CUTA: variants seen among roughly 807,000 people sequenced by gnomAD.
CUTA encodes cutA divalent cation tolerance homolog.
A neutral mutation model predicts 20.7 loss-of-function variants in CUTA; 21 were observed. That is an observed-to-expected ratio of 1.01 (90% CI 0.72 to 1.46). The LOEUF (loss-of-function observed/expected upper bound fraction) is 1.46, where lower values mean the gene tolerates loss of function less well. Ranked by LOEUF, CUTA falls within the 40% of genes most tolerant of loss-of-function variation. CUTA has a pLI of 0.00. For missense variants in CUTA, 231 were observed against 226.8 expected (o/e 1.02, Z -0.12); for synonymous variants, 99 against 97.9 (o/e 1.01, Z -0.07).
intron 2 of CUTA, 21 bp from the exon 3 acceptor site, chr6:33,417,331 C>T (rs1279324234): frequency 1.1e-5 from 18 of 1,614,056 alleles, no homozygotes; most frequent in Admixed American, 1.7e-5. Context: ...GAGACAGTCC[C>T]ATTCAGAGTA....
In CUTA at chr6:33,417,590, G is replaced by C; in HGVS notation, c.148C>G (p.Pro50Ala). 6.2e-7 allele frequency: 1 copy of C among 1,614,130 alleles called. No individual in the cohort carries two copies. Among genetic ancestry groups the C allele is most frequent in the South Asian group, 1.1e-5 (1 of 91,080 alleles). ...TCCGAGGCCGGCGAGGGCTGGGTCG[G>C]AGGGCTTCCAGAGGCCATGGTCAGC... Reference protein sequence around the residue: ...VLLTMASGSPPTQPSPASDSG... With the variant: ...VLLTMASGSPATQPSPASDSG... The change falls in exon 2 of 6, where the codon CCG (proline) becomes GCG (alanine). Residue 50 changes from proline (P) to alanine (A), a missense_variant. By Grantham distance (27) the Pro-to-Ala change is conservative. Transcript: ENST00000488034.
At chr6:33,417,838 G>A in intron 1 of CUTA, 121 bp downstream of exon 1, 2 of 1,545,202 alleles carry the variant, frequency 1.3e-6, no homozygotes, top group Non-Finnish European at 8.7e-7. Context: ...AGAGAAACTT[G>A]GAAAATAAAG....
intron 1 of CUTA, 76 bp downstream of exon 1, chr6:33,417,883 A>G: frequency 6.4e-7 from 1 of 1,569,844 alleles, no homozygotes; most frequent in South Asian, 1.1e-5. Flanking sequence ...CAGGGGGCCA[A>G]CCTCTGGGAT....
rs745612325 is a variant in CUTA, at chr6:33,417,514, C to A, written c.224G>T (p.Cys75Phe). Residue 75 changes from cysteine (C) to phenylalanine (F), a missense_variant, in exon 2 of 6, where the codon TGC becomes TTC. By Grantham distance (205) the Cys-to-Phe change is radical (BLOSUM62 -2). Transcript: ENST00000488034. ...CTCCTTGGCGACCTTCTCGTTGGGG[C>A]AAGTAACAAAGGCTGCAGAGACCGA... ...PGSVSAAFVT[C>F]PNEKVAKEIA... 2.5e-6 allele frequency: 4 copies of A among 1,614,122 alleles called. No homozygotes were observed. The highest frequency in any genetic ancestry group is 3.4e-6 in the Non-Finnish European group (4 of 1,180,038).
chr6:33,416,859 T>C, intron 5 of CUTA, 61 bp downstream of exon 5: 1 of 1,608,312 alleles, frequency 6.2e-7, no homozygotes. Context: ...AGCCCTAGAC[T>C]GCCCAGCAAG....
Position 33,417,049 on chromosome 6 carries a change from G to A in CUTA, c.363+48C>T, listed in dbSNP as rs771990413. 21 of 1,612,480 alleles carry A rather than the reference G, an allele frequency of 1.3e-5. No homozygotes were observed. The Admixed American group carries it at 3.3e-4, about 26-fold the overall frequency. ...CTCAGAAGAGGGGTAAGGGCTAAAG[G>A]GGTCAGGGATTGGGGATATTTTGTT... On this transcript the variant is annotated intron_variant, in intron 4 of 5. Coordinates refer to ENST00000488034, the MANE Select transcript of CUTA (RefSeq NM_001014840.2).
rs752290816 is a variant in CUTA, at chr6:33,417,480, C to A, written c.257+1G>T. The stretch of plus-strand genomic sequence containing the variant: ...TTCTCGCTGCACATCGAGGTCCCTA[C>A]CTGGCGATCTCCTTGGCGACCTTCT... On this transcript the variant is annotated splice_donor_variant, in intron 2 of 5. Coordinates refer to ENST00000488034, the MANE Select transcript of CUTA (RefSeq NM_001014840.2). LOFTEE classifies it high-confidence loss of function. 1.2e-6 allele frequency: 2 copies of A among 1,614,114 alleles called. No homozygotes were observed. The highest frequency in any genetic ancestry group is 1.7e-6 in the Non-Finnish European group (2 of 1,179,974).
rs919679999 is a variant in CUTA, at chr6:33,416,924, C to G, written c.409G>C (p.Val137Leu). ...CATCCATCTCAAAGTTCTCACCGAA[C>G]AAAATCTGTCAAAGCTGGGACCAAG... Reference protein sequence around the residue: ...SSLVPALTDFVRSVHPYEVAE... With the variant: ...SSLVPALTDFLRSVHPYEVAE... Residue 137 changes from valine (V) to leucine (L), a missense_variant, in exon 5 of 6, where the codon GTT becomes CTT. Physicochemically the swap from Val to Leu is conservative, Grantham distance 32 (BLOSUM62 1). Transcript: ENST00000488034. 2.5e-6 allele frequency: 4 copies of G among 1,614,120 alleles called. No individual in the cohort carries two copies. Among genetic ancestry groups the G allele is most frequent in the African/African-American group, 2.7e-5 (2 of 75,008 alleles).
chr6:33,416,722 C>A lies in CUTA; in HGVS notation c.468G>T (p.Gly156=). The A allele has an allele frequency of 6.2e-7, 1 of 1,614,144 alleles. No individual in the cohort carries two copies. Among genetic ancestry groups the A allele is most frequent in the Non-Finnish European group, 8.5e-7 (1 of 1,180,012 alleles). The part of the protein sequence containing the change: ...AEVIALPVEQ[G]NFPYLQWVRQ... ...GCACCCACTGCAGGTACGGAAAGTT[C>A]CCCTGTTCCACAGGCAATGCAATTA... The change falls in exon 6 of 6, where the codon GGG becomes GGT. Residue 156 remains glycine (G), a synonymous_variant. Transcript: ENST00000488034.
chr6:33,417,221 TA>T, intron 3 of CUTA, 29 bp downstream of exon 3: 2 of 1,614,090 alleles, frequency 1.2e-6, no homozygotes, highest in South Asian at 2.2e-5. Flanking sequence ...CTCCTACAGT[TA>T]GGTTAACCCC....
intron 5 of CUTA, 54 bp downstream of exon 5, chr6:33,416,866 C>G: frequency 6.2e-7 from 1 of 1,609,000 alleles, no homozygotes; most frequent in Non-Finnish European, 8.5e-7. Flanking sequence ...GACTGCCCAG[C>G]AAGTCACACC....
intron 5 of CUTA, 22 bp from the exon 6 acceptor site, chr6:33,416,798 G>A: frequency 1.2e-6 from 2 of 1,611,918 alleles, no homozygotes; most frequent in Non-Finnish European, 1.7e-6. Context: ...GTGGGTGGGG[G>A]AAGGGGATCA....
chr6:33,417,994 C>T lies in CUTA; in HGVS notation c.7G>A (p.Gly3Arg). 1 of 1,613,142 alleles carries T rather than the reference C, an allele frequency of 6.2e-7. No homozygotes were observed. Among genetic ancestry groups the T allele is most frequent in the Non-Finnish European group, 8.5e-7 (1 of 1,179,512 alleles). The change falls in exon 1 of 6, where the codon GGG becomes AGG. Residue 3 changes from glycine (G) to arginine (R), a missense_variant. Physicochemically the swap from Gly to Arg is moderately radical, Grantham distance 125. Coordinates refer to ENST00000488034, the MANE Select transcript of CUTA (RefSeq NM_001014840.2). MS[G>R]GRAPAVLLGG... ...AGCAGGACCGCGGGAGCCCGCCCCC[C>T]ACTCATGCGGCCTACGCTGGTACAG...
chr6:33,417,093 T>A lies in CUTA; in HGVS notation c.363+4A>T. On this transcript the variant is annotated splice_donor_region_variant and intron_variant, in intron 4 of 5. Transcript: ENST00000488034. ...TTTTGTTGGGTGGGGGAAATGTTTC[T>A]CACCATCAGCACCTCACTGTCTTCC... is the stretch of plus-strand genomic sequence containing the variant. 9 of 1,611,676 alleles carry A rather than the reference T, an allele frequency of 5.6e-6. No homozygotes were observed. Among genetic ancestry groups the A allele is most frequent in the Non-Finnish European group, 7.6e-6 (9 of 1,178,226 alleles).
Position 33,417,987 on chromosome 6 carries a change from C to CCT in CUTA, c.13_14insAG (p.Arg5GlnfsTer39), listed in dbSNP as rs776031612. 2.5e-6 allele frequency: 4 copies of CCT among 1,611,710 alleles called. No homozygotes were observed. The highest frequency in any genetic ancestry group is 3.4e-6 in the Non-Finnish European group (4 of 1,178,962). Reference sequence around the variant, plus strand: ...TCCGCCGAGCAGGACCGCGGGAGCCCGCCCCCCACTCATGCGGCCTACGCT... The same window carrying CCT: ...TCCGCCGAGCAGGACCGCGGGAGCCCCTGCCCCCCACTCATGCGGCCTACGCT... On this transcript the variant is annotated frameshift_variant, in exon 1 of 6. Transcript: ENST00000488034. LOFTEE classifies it high-confidence loss of function.
rs1776493412 is a variant in CUTA, at chr6:33,416,574, G to C, written c.*76C>G. On this transcript the variant is annotated 3_prime_UTR_variant, in exon 6 of 6. Coordinates refer to ENST00000488034, the MANE Select transcript of CUTA (RefSeq NM_001014840.2). ...AGACCCAAAGACGGGATTTATTGGG[G>C]GCCCAGTCATCACCTGGAAGTCAGA... is the stretch of plus-strand genomic sequence containing the variant. 1.1e-6 allele frequency: 1 copy of C among 878,698 alleles called. No individual in the cohort carries two copies. The highest frequency in any genetic ancestry group is 1.3e-5 in the South Asian group (1 of 74,550). The allele number at this position is 878,698 out of a possible 1,614,324, so 54.4% of individuals were successfully genotyped here.
Position 33,417,101 on chromosome 6 carries a change from A to T in CUTA, c.359T>A (p.Leu120Gln). Residue 120 changes from leucine to glutamine, a missense_variant, in exon 4 of 6, where the codon CTG becomes CAG. By Grantham distance (113) the Leu-to-Gln change is moderately radical. Coordinates refer to ENST00000488034, the MANE Select transcript of CUTA (RefSeq NM_001014840.2). ...GGTGGGGGAAATGTTTCTCACCATCAGCACCTCACTGTCTTCCTCGATCTT... is the reference window on the plus strand; with the variant it reads ...GGTGGGGGAAATGTTTCTCACCATCTGCACCTCACTGTCTTCCTCGATCTT... ...KGKIEEDSEV[L>Q]MMIKTQSSLV... 1 of 1,611,898 alleles carries T rather than the reference A, an allele frequency of 6.2e-7. No homozygotes were observed. Among genetic ancestry groups the T allele is most frequent in the Non-Finnish European group, 8.5e-7 (1 of 1,178,348 alleles).
intron 1 of CUTA, 41 bp from the exon 2 acceptor site, chr6:33,417,736 C>G (rs1429383349): frequency 2.5e-6 from 4 of 1,578,708 alleles, no homozygotes; most frequent in Admixed American, 1.8e-5. Flanking sequence ...TCACAAACAG[C>G]CCAGGAAATT....
At chr6:33,417,844 T>TA in intron 1 of CUTA, 115 bp downstream of exon 1, 4 of 1,546,222 alleles carry the variant, frequency 2.6e-6, no homozygotes, top group Non-Finnish European at 3.5e-6. Context: ...ACTTGGAAAA[T>TA]AAAGCAAAAG....
Sources: allele counts gnomAD v4.1 joint callset, GRCh38; gene constraint gnomAD v4.1.1; transcripts MANE v1.5; gene names NCBI Gene and HGNC (gene_info 2026-07-23, HGNC 2026-07-21).